ERVH48-1: variants seen among roughly 807,000 people sequenced by gnomAD.
ERVH48-1 encodes the protein endogenous retrovirus group 48 member 1, envelope, also known as suppressyn.
ERVH48-1 carries 4 observed loss-of-function variants against 2.4 expected under a neutral mutation model. The observed-to-expected ratio is 1.68, with a 90% CI of 0.83 to 3.84. ERVH48-1 has a LOEUF of 3.84. ERVH48-1 is among the 30% of genes most tolerant of loss of function. ERVH48-1 has a pLI of 0.01. For synonymous variants in ERVH48-1, 32 were observed against 15.5 expected (o/e 2.06, Z -2.49); for missense variants, 97 against 43.4 (o/e 2.23, Z -3.47).
chr21:42,924,567 T>C (rs1410266271), intron 1 of ERVH48-1, among the ~76,000 whole-genome samples: 1 of 152,162 alleles, frequency 6.6e-6, no homozygotes, highest in Non-Finnish European at 1.5e-5. Flanking sequence ...TCAGCAATAA[T>C]TGCTTAAGTC....
intron 1 of ERVH48-1, among the ~76,000 whole-genome samples, chr21:42,922,995 G>A (rs2058811049): frequency 6.6e-6 from 1 of 152,212 alleles, no homozygotes; most frequent in South Asian, 2.1e-4. Flanking sequence ...GGTAGTTGCC[G>A]GGGTGTCCGT....
intron 1 of ERVH48-1, among the ~76,000 whole-genome samples, chr21:42,924,703 C>T (rs35612957): frequency 0.18 from 27,859 of 151,986 alleles, 2,830 homozygotes; most frequent in Non-Finnish European, 0.21. Context: ...CGCCTGAGGT[C>T]TAAGGTTTGC....
rs2058818269 is a variant in ERVH48-1 at position 42,925,529 on chromosome 21, C to A, written c.-469G>T. 3.5e-6 allele frequency: 1 copy of A among 282,790 alleles called. No homozygotes were observed. Among genetic ancestry groups the A allele is most frequent in the African/African-American group, 2.3e-5 (1 of 43,424 alleles). 17.5% of individuals were successfully genotyped at this position (282,790 alleles called of 1,614,324 possible). The stretch of plus-strand genomic sequence containing the variant: ...CCCAAGGCTCTTGCATTGGTTGGAA[C>A]CCGGAGAGCGCGCCAACAGACAACA... On this transcript the variant is annotated 5_prime_UTR_variant, in exon 1 of 2. Coordinates refer to ENST00000447535, the MANE Select transcript of ERVH48-1 (RefSeq NM_001308491.2).
chr21:42,920,332 G>C (rs1208257938), intron 1 of ERVH48-1, among the ~76,000 whole-genome samples: 1 of 152,160 alleles, frequency 6.6e-6, no homozygotes, highest in Non-Finnish European at 1.5e-5. Context: ...CCATTTGTTT[G>C]GCTACTCTAT....
intron 1 of ERVH48-1, among the ~76,000 whole-genome samples, chr21:42,923,969 C>T (rs2058814039): frequency 6.6e-6 from 1 of 152,180 alleles, no homozygotes; most frequent in South Asian, 2.1e-4. Context: ...GGAACATGAA[C>T]TCTAATAAGA....
At position 42,918,964 on chromosome 21, in the gene ERVH48-1, T is replaced by C. The variant is rs1227489604; in HGVS notation, c.43A>G (p.Thr15Ala). 3.5e-6 allele frequency: 3 copies of C among 862,550 alleles called. No homozygotes were observed. The African/African-American group carries it at 5.2e-5, about 15-fold the overall frequency. The allele number at this position is 862,550 out of a possible 1,614,324, so 53.4% of individuals were successfully genotyped here. ...YPTTFYTSLP[T>A]KSLNMGISLT... ...GATATTCCCATATTAAGACTTTTGG[T>C]TGGAAGAGAGGTATAGAAAGTGGTT... Residue 15 changes from threonine (T) to alanine (A), a missense_variant, in exon 2 of 2, where the codon ACC (threonine) becomes GCC (alanine). Thr to Ala is a moderately conservative substitution (Grantham distance 58, BLOSUM62 0). Transcript: ENST00000447535.
rs1185396781 is a variant in ERVH48-1 at position 42,918,832 on chromosome 21, G to A, written c.175C>T (p.Gln59Ter). 1 of 456,594 alleles carries A rather than the reference G, an allele frequency of 2.2e-6. No individual in the cohort carries two copies. Among genetic ancestry groups the A allele is most frequent in the African/African-American group, 2.0e-5 (1 of 50,054 alleles). The allele number at this position is 456,594 out of a possible 1,614,324, so 28.3% of individuals were successfully genotyped here. A position where few individuals can be genotyped will look rare whatever the true frequency, so the allele number is the denominator to read the frequency against. ...ATATGAGTATGGTAAGTAAAGTATT[G>A]TTGCATCTCCCCTCTGTAGTGCAAA... is the stretch of plus-strand genomic sequence containing the variant. ...QSLHYRGEMQQYFTYHTHIER... is the reference protein window; with the variant it reads ...QSLHYRGEMQ The change falls in exon 2 of 2, where the codon CAA (glutamine) becomes TAA (stop). Residue 59 changes from glutamine to a stop codon, truncating the protein, a stop_gained. Coordinates refer to ENST00000447535, the MANE Select transcript of ERVH48-1 (RefSeq NM_001308491.2). LOFTEE classifies it high-confidence loss of function.
intron 1 of ERVH48-1, among the ~76,000 whole-genome samples, chr21:42,921,663 A>T (rs895818826): frequency 5.5e-5 from 7 of 128,224 alleles, no homozygotes; most frequent in African/African-American, 2.2e-4. Context: ...TAAGGTACAG[A>T]GGTCATGATC....
Position 42,916,861 on chromosome 21 carries a change from G to A in ERVH48-1, c.*1663C>T, listed in dbSNP as rs1449772502. 1.2e-5 allele frequency: 2 copies of A among 171,728 alleles called. No individual in the cohort carries two copies. Among genetic ancestry groups the A allele is most frequent in the Non-Finnish European group, 2.4e-5 (2 of 82,292 alleles). 10.6% of individuals were successfully genotyped at this position (171,728 alleles called of 1,614,324 possible). ...TGCAGACAGGCTGAGGCCTAAAATG[G>A]CATCAGCCCCAAGTGAGGATGGGGC... On this transcript the variant is annotated 3_prime_UTR_variant, in exon 2 of 2. Coordinates refer to ENST00000447535, the MANE Select transcript of ERVH48-1 (RefSeq NM_001308491.2).
rs370871286 is a variant in ERVH48-1, at chr21:42,923,084, G to A, written c.-286+2262C>T. 3.9e-5 allele frequency among the ~76,000 whole-genome samples: 6 copies of A among 152,334 alleles called. No individual in the cohort carries two copies. The East Asian group carries it at 7.7e-4, about 20-fold the overall frequency. On this transcript the variant is annotated intron_variant, in intron 1 of 1. Coordinates refer to ENST00000447535, the MANE Select transcript of ERVH48-1 (RefSeq NM_001308491.2). The stretch of plus-strand genomic sequence containing the variant: ...GGCCGGCTCAGGAAGGGATGGAGGC[G>A]GTCCTTGCAGGGGCCGCTCACAGTC...
intron 1 of ERVH48-1, among the ~76,000 whole-genome samples, chr21:42,924,993 T>C (rs1196769607): frequency 6.6e-6 from 1 of 150,632 alleles, no homozygotes; most frequent in Non-Finnish European, 1.5e-5. Context: ...TTACCCAGGC[T>C]AGAGTGCAGT....
rs971265361 is a variant in ERVH48-1, at chr21:42,919,026, G to A, written c.-20C>T. 4.9e-6 allele frequency: 6 copies of A among 1,235,116 alleles called. No homozygotes were observed. The African/African-American group carries it at 9.4e-5, about 19-fold the overall frequency. The allele number at this position is 1,235,116 out of a possible 1,614,324, so 76.5% of individuals were successfully genotyped here. On this transcript the variant is annotated 5_prime_UTR_variant, in exon 2 of 2. Transcript: ENST00000447535. Reference sequence around the variant, plus strand: ...GGCCATTCCTGGAAGCACGTGGTTAGTCTTCCTTGTGTTTTGGTTTTAAGA... The same window carrying A: ...GGCCATTCCTGGAAGCACGTGGTTAATCTTCCTTGTGTTTTGGTTTTAAGA...
intron 1 of ERVH48-1, among the ~76,000 whole-genome samples, chr21:42,923,547 G>A (rs2058813001): frequency 1.3e-5 from 2 of 152,106 alleles, no homozygotes; most frequent in Admixed American, 6.5e-5. Flanking sequence ...GAGGAAAAAG[G>A]GCTGGGTTTT....
In ERVH48-1 at chr21:42,918,516, G is replaced by GC. The variant is rs1568865784; in HGVS notation, c.*7dup. ...ATTTTTTCCTGGCTTAGGAAGGGAT[G>GC]CATCTGCTTATAGTTTTTGTATAAA... On this transcript the variant is annotated 3_prime_UTR_variant, in exon 2 of 2. Coordinates refer to ENST00000447535, the MANE Select transcript of ERVH48-1 (RefSeq NM_001308491.2). 2.2e-6 allele frequency: 1 copy of GC among 451,258 alleles called. No individual in the cohort carries two copies. The allele number at this position is 451,258 out of a possible 1,614,324, so 28.0% of individuals were successfully genotyped here. A position where few individuals can be genotyped will look rare whatever the true frequency, so the allele number is the denominator to read the frequency against.
chr21:42,918,807 A>G lies in ERVH48-1; in HGVS notation c.200T>C (p.Ile67Thr), dbSNP rs1380246826. Residue 67 changes from isoleucine to threonine, a missense_variant, in exon 2 of 2, where the codon ATA (isoleucine) becomes ACA (threonine). Transcript: ENST00000447535. Reference protein sequence around the residue: ...MQQYFTYHTHIERSCYGNLIE... With the variant: ...MQQYFTYHTHTERSCYGNLIE... ...TAAGTTTCCATAACAGGATCTTTCT[A>G]TATGAGTATGGTAAGTAAAGTATTG... 3 of 456,614 alleles carry G rather than the reference A, an allele frequency of 6.6e-6. No homozygotes were observed. Among genetic ancestry groups the G allele is most frequent in the Non-Finnish European group, 1.3e-5 (3 of 226,998 alleles). 28.3% of individuals were successfully genotyped at this position (456,614 alleles called of 1,614,324 possible). A position where few individuals can be genotyped will look rare whatever the true frequency, so the allele number is the denominator to read the frequency against.
At position 42,919,272 on chromosome 21, in the gene ERVH48-1, G is replaced by C. The variant is rs1383714882; in HGVS notation, c.-266C>G. ...GTAGCTTTTTGTGAGGGTCAGTTTG[G>C]CCGATAAACACGTCTGTGCCTGCAA... On this transcript the variant is annotated 5_prime_UTR_variant, in exon 2 of 2. Transcript: ENST00000447535. 3.8e-6 allele frequency: 1 copy of C among 259,820 alleles called. No homozygotes were observed. The highest frequency in any genetic ancestry group is 7.6e-6 in the Non-Finnish European group (1 of 130,936). The allele number at this position is 259,820 out of a possible 1,614,324, so 16.1% of individuals were successfully genotyped here.
chr21:42,922,815 G>A (rs73370674), intron 1 of ERVH48-1, among the ~76,000 whole-genome samples: 2,627 of 151,568 alleles, frequency 0.017, 71 homozygotes, highest in African/African-American at 0.058. Flanking sequence ...AGGGGGGCTC[G>A]GGATTTGGAG....
intron 1 of ERVH48-1, among the ~76,000 whole-genome samples, chr21:42,922,765 AGTGAG>A: frequency 7.1e-6 from 1 of 141,600 alleles, no homozygotes; most frequent in Admixed American, 6.9e-5. Flanking sequence ...AAAAAAAAAA[AGTGAG>A]TGAAGGAAAA....
chr21:42,918,409 T>A lies in ERVH48-1; in HGVS notation c.*115A>T. On this transcript the variant is annotated 3_prime_UTR_variant, in exon 2 of 2. Transcript: ENST00000447535. Reference sequence around the variant, plus strand: ...TGTCTATCCCGTCCCACAGCCACTGTTCACTCATAAAGCTCCCCCGCATAC... The same window carrying A: ...TGTCTATCCCGTCCCACAGCCACTGATCACTCATAAAGCTCCCCCGCATAC... 2.7e-6 allele frequency: 1 copy of A among 370,392 alleles called. No individual in the cohort carries two copies. Among genetic ancestry groups the A allele is most frequent in the South Asian group, 2.1e-5 (1 of 48,544 alleles). 22.9% of individuals were successfully genotyped at this position (370,392 alleles called of 1,614,324 possible). A position where few individuals can be genotyped will look rare whatever the true frequency, so the allele number is the denominator to read the frequency against.
Sources: gnomAD v4.1 joint callset for allele counts (sites outside exome capture counted in the v4.1 genomes callset) on GRCh38, gnomAD v4.1.1 for gene constraint, MANE v1.5 for transcripts, NCBI Gene and HGNC (gene_info 2026-07-23, HGNC 2026-07-21) for gene names.